DENND1A: variants seen among roughly 807,000 people sequenced by gnomAD.
DENND1A encodes DENN domain containing 1A, also known as DENN domain-containing protein 1A.
In DENND1A, 51 loss-of-function variants were observed where a neutral mutation model predicts 113.7. The ratio of observed to expected loss-of-function variants is 0.45; its 90% confidence interval spans 0.36 to 0.57. The LOEUF (loss-of-function observed/expected upper bound fraction) is 0.57, where lower values mean the gene tolerates loss of function less well. Ranked by LOEUF, DENND1A falls within the 20% of genes least tolerant of loss-of-function variation. DENND1A has a pLI of 0.00. For missense variants in DENND1A, 1,258 were observed against 1,395.9 expected, an observed-to-expected ratio of 0.90 and a Z score of 1.57; for synonymous variants, 565 against 570.8, an observed-to-expected ratio of 0.99 and a Z score of 0.14.
chr9:123,509,765 A>G (rs2053287488), intron 13 of DENND1A, among the ~76,000 whole-genome samples: 1 of 152,122 alleles, frequency 6.6e-6, no homozygotes, highest in Non-Finnish European at 1.5e-5. Context: ...GAGGACCCAC[A>G]TGTTTCTCAA....
At chr9:123,568,049 C>G (rs940314689) in intron 12 of DENND1A, among the ~76,000 whole-genome samples, 9 of 152,180 alleles carry the variant, frequency 5.9e-5, no homozygotes, top group Non-Finnish European at 8.8e-5. Flanking sequence ...AAATGCCAAC[C>G]AAACTTCAGA....
At chr9:123,699,451 G>A (rs2065737517) in intron 5 of DENND1A, among the ~76,000 whole-genome samples, 1 of 152,036 alleles carries the variant, frequency 6.6e-6, no homozygotes, top group African/African-American at 2.4e-5. Context: ...ATCTTTGGAT[G>A]ATGAAATTAA....
At chr9:123,666,621 A>G (rs17215761) in intron 8 of DENND1A, among the ~76,000 whole-genome samples, 31,861 of 152,214 alleles carry the variant, frequency 0.21, 3,791 homozygotes, top group Admixed American at 0.26. Flanking sequence ...TTCTACAGTG[A>G]GAGAATGGCT....
intron 5 of DENND1A, among the ~76,000 whole-genome samples, chr9:123,705,526 C>T (rs892121455): frequency 1.3e-5 from 2 of 151,610 alleles, no homozygotes; most frequent in African/African-American, 2.4e-5. Context: ...CTAAACAACA[C>T]GAGAACAGAA....
At chr9:123,519,550 G>A (rs1290563862) in intron 13 of DENND1A, among the ~76,000 whole-genome samples, 9 of 152,060 alleles carry the variant, frequency 5.9e-5, no homozygotes, top group Non-Finnish European at 8.8e-5. Context: ...TGATCCTTGC[G>A]TCTCAGCCTC....
At chr9:123,850,383 T>C (rs1193474177) in intron 2 of DENND1A, among the ~76,000 whole-genome samples, 1 of 152,238 alleles carries the variant, frequency 6.6e-6, no homozygotes, top group Non-Finnish European at 1.5e-5. Context: ...AGCAATAAAA[T>C]ATTTTTAAAT....
intron 11 of DENND1A, among the ~76,000 whole-genome samples, chr9:123,595,617 G>A (rs768213117): frequency 1.3e-5 from 2 of 152,114 alleles, no homozygotes; most frequent in Non-Finnish European, 2.9e-5. Flanking sequence ...TCCAGGCTGG[G>A]GTCCTGGCCT....
intron 12 of DENND1A, among the ~76,000 whole-genome samples, chr9:123,582,951 G>A (rs566481888): frequency 5.9e-5 from 9 of 151,938 alleles, no homozygotes; most frequent in Admixed American, 3.3e-4. Flanking sequence ...CACCCGCCTC[G>A]GCCTCCCAAA....
chr9:123,878,113 G>C (rs1335470541), intron 2 of DENND1A, among the ~76,000 whole-genome samples: 2 of 151,152 alleles, frequency 1.3e-5, no homozygotes, highest in African/African-American at 4.9e-5. Context: ...TGAGACAGGA[G>C]AATCACTTGA....
intron 19 of DENND1A, among the ~76,000 whole-genome samples, chr9:123,420,436 G>A (rs1463377864): frequency 6.6e-6 from 1 of 152,104 alleles, no homozygotes; most frequent in East Asian, 1.9e-4. Context: ...ATGAGGGGGT[G>A]CTCAGGATCG....
At chr9:123,662,085 A>G (rs1429558093) in intron 8 of DENND1A, among the ~76,000 whole-genome samples, 1 of 152,248 alleles carries the variant, frequency 6.6e-6, no homozygotes, top group Non-Finnish European at 1.5e-5. Flanking sequence ...AGCAAGGCGC[A>G]TCACTGCAAT....
intron 15 of DENND1A, 70 bp from the exon 16 acceptor site, chr9:123,454,849 CTT>C (rs764248245): frequency 0.021 from 20,776 of 983,106 alleles, no homozygotes; most frequent in East Asian, 0.026. Context: ...CTTAAAATTG[CTT>C]TTTTTTTTTT....
intron 5 of DENND1A, among the ~76,000 whole-genome samples, chr9:123,706,631 C>T (rs1186593541): frequency 1.3e-5 from 2 of 151,218 alleles, no homozygotes; most frequent in South Asian, 2.1e-4. Context: ...ATTAGCCAGG[C>T]GTGGTGGCGG....
intron 2 of DENND1A, among the ~76,000 whole-genome samples, chr9:123,866,574 TTTC>T (rs1439190261): frequency 6.6e-6 from 1 of 152,218 alleles, no homozygotes; most frequent in Non-Finnish European, 1.5e-5. Flanking sequence ...AAAAATTTCA[TTTC>T]TTAATGATAG....
intron 13 of DENND1A, among the ~76,000 whole-genome samples, chr9:123,538,235 A>G (rs2055941724): frequency 6.6e-6 from 1 of 152,246 alleles, no homozygotes; most frequent in Non-Finnish European, 1.5e-5. Flanking sequence ...GAGAGGAAAT[A>G]CAAATGTAAT....
chr9:123,786,321 C>T (rs1832168579), intron 3 of DENND1A, among the ~76,000 whole-genome samples: 1 of 152,162 alleles, frequency 6.6e-6, no homozygotes, highest in Non-Finnish European at 1.5e-5. Context: ...CTTAACTCTA[C>T]TAACTTCTAC....
chr9:123,608,515 C>G (rs2060270993), intron 11 of DENND1A, among the ~76,000 whole-genome samples: 1 of 152,102 alleles, frequency 6.6e-6, no homozygotes, highest in Non-Finnish European at 1.5e-5. Context: ...AAACTCTCTC[C>G]TGAGGAGGAA....
chr9:123,450,658 G>C, intron 18 of DENND1A, 35 bp downstream of exon 18: 2 of 1,579,738 alleles, frequency 1.3e-6, no homozygotes, highest in Non-Finnish European at 8.6e-7. Flanking sequence ...TTTCATACAT[G>C]GTGCTTATAC....
At chr9:123,909,373 AAAAAT>A (rs1267048374) in intron 1 of DENND1A, among the ~76,000 whole-genome samples, 2 of 150,570 alleles carry the variant, frequency 1.3e-5, no homozygotes, top group Admixed American at 6.6e-5. Flanking sequence ...AAAACAATAA[AAAAAT>A]AAAATAAAAT....
Sources: gnomAD v4.1 joint callset for allele counts (sites outside exome capture counted in the v4.1 genomes callset) on GRCh38, gnomAD v4.1.1 for gene constraint, MANE v1.5 for transcripts, NCBI Gene and HGNC (gene_info 2026-07-23, HGNC 2026-07-21) for gene names.